Variants in TTC7A observed in about 807,000 individuals in gnomAD.
The protein encoded by TTC7A is tetratricopeptide repeat domain 7A, also known as tetratricopeptide repeat protein 7A.
In TTC7A, 110 loss-of-function variants were observed where a neutral mutation model predicts 103.7. The observed-to-expected ratio is 1.06, with a 90% confidence interval of 0.91 to 1.24. TTC7A has a LOEUF of 1.24. Among genes scored for constraint, TTC7A ranks in the 50% most tolerant of loss-of-function variants. The pLI is 0.00. For synonymous variants in TTC7A, 521 were observed against 467.9 expected (o/e 1.11, Z -1.47); for missense variants, 1,340 against 1,116.3 (o/e 1.20, Z -2.86).
intron 2 of TTC7A, among the ~76,000 whole-genome samples, chr2:46,928,678 GA>G (rs1043246840): frequency 2.0e-5 from 3 of 152,044 alleles, no homozygotes; most frequent in Non-Finnish European, 4.4e-5. Flanking sequence ...ACTGAGGTTG[GA>G]GGATGGCTTG....
In TTC7A at chr2:46,994,266, G is replaced by C; in HGVS notation, c.844-91G>C. On this transcript the variant is annotated intron_variant, in intron 6 of 19. Coordinates refer to ENST00000319190, the MANE Select transcript of TTC7A (RefSeq NM_020458.4). Reference sequence around the variant, plus strand: ...AGGGCCGCACATTGCAAGCGGGGCAGATTTAGCTGGGATGGGCAGAGGGCG... The same window carrying C: ...AGGGCCGCACATTGCAAGCGGGGCACATTTAGCTGGGATGGGCAGAGGGCG... The C allele has an allele frequency of 4.1e-6, 6 of 1,472,158 alleles. No homozygotes were observed. The South Asian group carries it at 5.3e-5, about 13-fold the overall frequency. 91.2% of individuals were successfully genotyped at this position (1,472,158 alleles called of 1,614,324 possible). A position where few individuals can be genotyped will look rare whatever the true frequency, so the allele number is the denominator to read the frequency against.
chr2:46,985,598 T>A (rs905284701), intron 5 of TTC7A, among the ~76,000 whole-genome samples: 3 of 152,244 alleles, frequency 2.0e-5, no homozygotes, highest in African/African-American at 7.2e-5. Context: ...AATCCCCATT[T>A]TACTGAAGAA....
chr2:46,941,759 G>C lies in TTC7A; in HGVS notation c.184+34G>C. On this transcript the variant is annotated intron_variant, in intron 1 of 19. Transcript: ENST00000319190. The surrounding 1 kb of genome is among the most constrained non-coding windows in gnomAD (Gnocchi z 4.2). ...GGGAAGAGGCTGGCTCGCCGGCAGC[G>C]AGCGCGCGAAACGCACCGCCTCCTC... The C allele has an allele frequency of 6.5e-7, 1 of 1,546,864 alleles. No homozygotes were observed. The highest frequency in any genetic ancestry group is 8.7e-7 in the Non-Finnish European group (1 of 1,145,612).
intron 2 of TTC7A, among the ~76,000 whole-genome samples, chr2:46,919,234 A>T (rs564812245): frequency 6.6e-6 from 1 of 152,352 alleles, no homozygotes; most frequent in East Asian, 1.9e-4. Flanking sequence ...GAATAAAAAC[A>T]ATTTAAAGAC....
chr2:46,975,390 C>T lies in TTC7A; in HGVS notation c.648+287C>T, dbSNP rs555524109. Among the ~76,000 whole-genome samples, 13 of 152,072 alleles carry T rather than the reference C, an allele frequency of 8.5e-5. No individual in the cohort carries two copies. In the East Asian group the frequency reaches 2.5e-3, roughly 30 times the overall value. On this transcript the variant is annotated intron_variant, in intron 4 of 19. Transcript: ENST00000319190. ...AATCATTTGCTCACCATTTCTTTCC[C>T]TGGCAGGGGTGGAGTCTGCCTGGGT...
chr2:46,962,999 T>C (rs1672522730), intron 3 of TTC7A, among the ~76,000 whole-genome samples: 1 of 152,224 alleles, frequency 6.6e-6, no homozygotes, highest in Admixed American at 6.5e-5. Flanking sequence ...TGACTTCAAG[T>C]CCATGGATCT....
At position 46,951,860 on chromosome 2, in the gene TTC7A, T is replaced by A; in HGVS notation, c.348+1334T>A. ...TGCCCTCAAGGAGGTTGCAGGTCTC[T>A]TGGGAAGATAAGTCCTATCAGCAAG... On this transcript the variant is annotated intron_variant, in intron 2 of 19. Coordinates refer to ENST00000319190, the MANE Select transcript of TTC7A (RefSeq NM_020458.4). The A allele has an allele frequency of 8.6e-6, 3 of 348,230 alleles. 1 individual carries two copies. The highest frequency in any genetic ancestry group is 6.6e-5 in the South Asian group (3 of 45,588). 21.6% of individuals were successfully genotyped at this position (348,230 alleles called of 1,614,324 possible).
chr2:47,030,286 A>G (rs1680392158), intron 15 of TTC7A, among the ~76,000 whole-genome samples: 2 of 152,206 alleles, frequency 1.3e-5, no homozygotes, highest in South Asian at 4.1e-4. Context: ...ACAAAGGATT[A>G]GGAAAAAATT....
rs372222939 is a variant in TTC7A, at chr2:46,994,357, A to G, written c.844A>G (p.Met282Val). Residue 282 changes from methionine (M) to valine (V), a missense_variant and splice_region_variant, in exon 7 of 20, where the codon ATG becomes GTG. Coordinates refer to ENST00000319190, the MANE Select transcript of TTC7A (RefSeq NM_020458.4). ...GTCCGAGTGCTTCCCTCTCTGCCAG[A>G]TGGCGGCCAAGCACCTGGCGGGGGT... ...ETKATQNFKV[M>V]AAKHLAGVLL... 3 of 1,611,780 alleles carry G rather than the reference A, an allele frequency of 1.9e-6. No individual in the cohort carries two copies. The highest frequency in any genetic ancestry group is 2.5e-6 in the Non-Finnish European group (3 of 1,178,790).
At chr2:47,017,200 CAAAAAAAAAAAA>C (rs70940652) in intron 11 of TTC7A, among the ~76,000 whole-genome samples, 2 of 35,592 alleles carry the variant, frequency 5.6e-5, no homozygotes, top group Non-Finnish European at 9.6e-5. Flanking sequence ...CACTCTGTCT[CAAAAAAAAAAAA>C]AAAAAAAAAA....
chr2:46,997,914 C>G (rs1676380719), intron 8 of TTC7A, among the ~76,000 whole-genome samples: 2 of 152,142 alleles, frequency 1.3e-5, no homozygotes, highest in African/African-American at 4.8e-5. Context: ...CCAAACCCTC[C>G]AAGTGGAGAA....
intron 5 of TTC7A, among the ~76,000 whole-genome samples, chr2:46,989,071 G>A (rs947800675): frequency 1.3e-5 from 2 of 152,192 alleles, no homozygotes; most frequent in African/African-American, 2.4e-5. Flanking sequence ...AGGGCTCCGC[G>A]AAACGTGTAG....
intron 11 of TTC7A, among the ~76,000 whole-genome samples, chr2:47,012,493 A>G (rs891484231): frequency 2.0e-5 from 3 of 151,966 alleles, no homozygotes; most frequent in Non-Finnish European, 4.4e-5. Context: ...CCCCCTCACC[A>G]TTGTGTGCCC....
At position 46,999,834 on chromosome 2, in the gene TTC7A, G is replaced by A. The variant is rs988789892; in HGVS notation, c.1065+4635G>A. 3 of 985,314 alleles carry A rather than the reference G, an allele frequency of 3.0e-6. No individual in the cohort carries two copies. The African/African-American group carries it at 5.2e-5, about 17-fold the overall frequency. 61.0% of individuals were successfully genotyped at this position (985,314 alleles called of 1,614,324 possible). ...CCTGTTTCATTCAGCTGGCGAACAA[G>A]TTGCTGCTGTTAGAAATGGAAAGGG... On this transcript the variant is annotated intron_variant, in intron 8 of 19. Coordinates refer to ENST00000319190, the MANE Select transcript of TTC7A (RefSeq NM_020458.4).
At chr2:47,027,278 C>T (rs754133220) in intron 14 of TTC7A, among the ~76,000 whole-genome samples, 2 of 152,290 alleles carry the variant, frequency 1.3e-5, no homozygotes, top group Non-Finnish European at 2.9e-5. Flanking sequence ...TGGGCCCTGC[C>T]GTGCGCCTGG....
At chr2:46,947,481 C>T (rs951990714) in intron 1 of TTC7A, among the ~76,000 whole-genome samples, 3 of 152,060 alleles carry the variant, frequency 2.0e-5, no homozygotes, top group South Asian at 2.1e-4. Context: ...TTTGGGAGGC[C>T]GAGGCAGGCA....
intron 8 of TTC7A, among the ~76,000 whole-genome samples, chr2:47,002,742 T>C (rs932440730): frequency 1.4e-4 from 22 of 152,042 alleles, no homozygotes; most frequent in Admixed American, 5.9e-4. Flanking sequence ...TCTGTCCCAT[T>C]TCCCCCTACC....
intron 5 of TTC7A, among the ~76,000 whole-genome samples, chr2:46,993,141 C>T (rs1004611948): frequency 6.6e-6 from 1 of 152,204 alleles, no homozygotes; most frequent in Non-Finnish European, 1.5e-5. Context: ...GCCCAAGGCT[C>T]TTAGTCCAAG....
chr2:46,956,788 C>A, intron 2 of TTC7A, 51 bp from the exon 3 acceptor site: 1 of 1,608,182 alleles, frequency 6.2e-7, no homozygotes, highest in Non-Finnish European at 8.5e-7. Flanking sequence ...GGGGTGTTCA[C>A]CCCAAGGTAA....
Sources: gnomAD v4.1 joint callset for allele counts (sites outside exome capture counted in the v4.1 genomes callset) on GRCh38, gnomAD v4.1.1 for gene constraint, Gnocchi (gnomAD v3.1) non-coding constraint, MANE v1.5 for transcripts, NCBI Gene and HGNC (gene_info 2026-07-23, HGNC 2026-07-21) for gene names.